CABCOCO1: variants seen among roughly 807,000 people sequenced by gnomAD.
The protein encoded by CABCOCO1 is ciliary associated calcium binding coiled-coil 1.
In CABCOCO1, 28 loss-of-function variants were observed where a neutral mutation model predicts 35.7. That is an observed-to-expected ratio of 0.78 (90% CI 0.58 to 1.07). CABCOCO1 has a LOEUF of 1.07. CABCOCO1 is among the 50% of genes least tolerant of loss of function. The pLI, the probability that CABCOCO1 is intolerant of heterozygous loss-of-function variation, is 0.00. For missense variants in CABCOCO1, 326 were observed against 309.2 expected (o/e 1.05, Z -0.41); for synonymous variants, 95 against 100.1 (o/e 0.95, Z 0.30).
intron 5 of CABCOCO1, among the ~76,000 whole-genome samples, chr10:61,730,931 A>G (rs1370307990): frequency 6.6e-6 from 1 of 151,894 alleles, no homozygotes; most frequent in Non-Finnish European, 1.5e-5. Flanking sequence ...GTCAAGAAAA[A>G]TAAGGAAAGG....
intron 5 of CABCOCO1, among the ~76,000 whole-genome samples, chr10:61,732,539 A>T (rs573954217): frequency 6.6e-6 from 1 of 152,204 alleles, no homozygotes; most frequent in South Asian, 2.1e-4. Context: ...ACTTTTTACC[A>T]GTCTTGGAAT....
At chr10:61,707,748 A>T (rs1450035043) in intron 5 of CABCOCO1, among the ~76,000 whole-genome samples, 1 of 152,088 alleles carries the variant, frequency 6.6e-6, no homozygotes, top group African/African-American at 2.4e-5. Flanking sequence ...ACTTTTTTTT[A>T]AAGAAATCTC....
intron 5 of CABCOCO1, among the ~76,000 whole-genome samples, chr10:61,729,133 T>C (rs1438176673): frequency 6.6e-6 from 1 of 152,130 alleles, no homozygotes; most frequent in Non-Finnish European, 1.5e-5. Flanking sequence ...CATAATATAA[T>C]ATTTTTTCTA....
At chr10:61,704,992 T>C (rs1182712354) in intron 5 of CABCOCO1, among the ~76,000 whole-genome samples, 2 of 152,144 alleles carry the variant, frequency 1.3e-5, no homozygotes, top group African/African-American at 4.8e-5. Flanking sequence ...AGGTGCTTAA[T>C]AAATATCTGT....
chr10:61,728,938 A>T (rs1037859456), intron 5 of CABCOCO1, among the ~76,000 whole-genome samples: 1 of 152,126 alleles, frequency 6.6e-6, no homozygotes, highest in Admixed American at 6.6e-5. Flanking sequence ...TTTTCATAGC[A>T]CAGCTTTGAA....
At chr10:61,665,500 TGAAAG>T (rs1839137536) in intron 1 of CABCOCO1, among the ~76,000 whole-genome samples, 1 of 152,128 alleles carries the variant, frequency 6.6e-6, no homozygotes, top group African/African-American at 2.4e-5. Flanking sequence ...GACCTGTAAG[TGAAAG>T]GAGTTTATAA....
intron 7 of CABCOCO1, among the ~76,000 whole-genome samples, chr10:61,763,979 T>C (rs1220926931): frequency 9.2e-5 from 14 of 152,050 alleles, no homozygotes; most frequent in Non-Finnish European, 1.9e-4. Flanking sequence ...TCTGGAGATC[T>C]GAGACATTAC....
intron 5 of CABCOCO1, among the ~76,000 whole-genome samples, chr10:61,737,280 T>G (rs1280427378): frequency 6.6e-6 from 1 of 152,134 alleles, no homozygotes; most frequent in East Asian, 1.9e-4. Flanking sequence ...GAATGGCTAT[T>G]ATTACAAGGT....
intron 4 of CABCOCO1, among the ~76,000 whole-genome samples, chr10:61,687,880 C>T (rs1264112230): frequency 6.6e-6 from 1 of 152,080 alleles, no homozygotes; most frequent in Non-Finnish European, 1.5e-5. Context: ...TTAAATATCC[C>T]TATTACAGAA....
intron 5 of CABCOCO1, among the ~76,000 whole-genome samples, chr10:61,737,627 A>C (rs183172417): frequency 1.6e-4 from 25 of 152,306 alleles, no homozygotes; most frequent in Non-Finnish European, 2.6e-4. Context: ...TGCAGCCATA[A>C]AAAAGCACAA....
At chr10:61,665,886 CA>C (rs72066420) in intron 1 of CABCOCO1, among the ~76,000 whole-genome samples, 28,093 of 98,118 alleles carry the variant, frequency 0.29, 2,709 homozygotes, top group Middle Eastern at 0.34. Flanking sequence ...GACTCCGTCT[CA>C]AAAAAAAAAA....
intron 2 of CABCOCO1, among the ~76,000 whole-genome samples, chr10:61,678,507 C>T (rs1040505461): frequency 6.6e-6 from 1 of 151,724 alleles, no homozygotes; most frequent in Admixed American, 6.6e-5. Flanking sequence ...AAAAACTGAC[C>T]ATATTGACCT....
At chr10:61,692,354 T>G (rs966802112) in intron 5 of CABCOCO1, among the ~76,000 whole-genome samples, 3 of 152,138 alleles carry the variant, frequency 2.0e-5, no homozygotes, top group Non-Finnish European at 1.5e-5. Context: ...TGTTTTTTTC[T>G]TGTAAATTTG....
intron 5 of CABCOCO1, among the ~76,000 whole-genome samples, chr10:61,735,376 A>G (rs11598771): frequency 6.6e-6 from 1 of 151,972 alleles, no homozygotes; most frequent in East Asian, 1.9e-4. Flanking sequence ...GGTGAAATCA[A>G]CTAAGAAGAG....
At chr10:61,716,778 C>A (rs10994896) in intron 5 of CABCOCO1, among the ~76,000 whole-genome samples, 60,894 of 151,834 alleles carry the variant, frequency 0.4, 14,267 homozygotes, top group Middle Eastern at 0.54. Context: ...ATACCTCTCT[C>A]AAACTGCCTT....
chr10:61,715,090 C>T (rs1188032673), intron 5 of CABCOCO1, among the ~76,000 whole-genome samples: 5 of 152,130 alleles, frequency 3.3e-5, no homozygotes, highest in Non-Finnish European at 7.4e-5. Context: ...TCTCGTTGAT[C>T]TGTCTAATAT....
At chr10:61,709,374 G>A (rs1840670504) in intron 5 of CABCOCO1, among the ~76,000 whole-genome samples, 1 of 151,928 alleles carries the variant, frequency 6.6e-6, no homozygotes, top group African/African-American at 2.4e-5. Flanking sequence ...TAGAAACAGA[G>A]CCATCAAATT....
At chr10:61,675,549 T>A (rs945201311) in intron 2 of CABCOCO1, among the ~76,000 whole-genome samples, 2 of 152,054 alleles carry the variant, frequency 1.3e-5, no homozygotes, top group Admixed American at 6.5e-5. Flanking sequence ...CATTGAAAAG[T>A]AAAAATAAAA....
At chr10:61,715,178 T>C (rs1000574454) in intron 5 of CABCOCO1, among the ~76,000 whole-genome samples, 6 of 152,198 alleles carry the variant, frequency 3.9e-5, no homozygotes, top group African/African-American at 1.4e-4. Context: ...AGGACTTGCT[T>C]TATGAATCTG....
Sources: allele counts gnomAD v4.1 joint callset (sites outside exome capture counted in the v4.1 genomes callset), GRCh38; gene constraint gnomAD v4.1.1; transcripts MANE v1.5; gene names NCBI Gene and HGNC (gene_info 2026-07-23, HGNC 2026-07-21).